TPO: variants seen among roughly 807,000 people sequenced by gnomAD.
TPO encodes thyroid microsomal antigen.
TPO carries 78 observed loss-of-function variants against 96.9 expected under a neutral mutation model. The observed-to-expected ratio is 0.81, with a 90% CI of 0.67 to 0.97. The LOEUF (loss-of-function observed/expected upper bound fraction) is 0.97. TPO is among the 50% of genes least tolerant of loss of function. TPO has a pLI of 0.00. For missense variants in TPO, 1,252 were observed against 1,274.8 expected, an observed-to-expected ratio of 0.98 and a Z score of 0.27; for synonymous variants, 547 against 538.0, an observed-to-expected ratio of 1.02 and a Z score of -0.23.
chr2:1,395,734 TAGTGTGTTCTAG>T (rs1196527352), intron 1 of TPO, among the ~76,000 whole-genome samples: 18 of 131,100 alleles, frequency 1.4e-4, no homozygotes, highest in African/African-American at 6.5e-4. Flanking sequence ...GTTCTAGTGA[TAGTGTGTTCTAG>T]TGATAGTGTG....
Position 1,469,751 on chromosome 2 carries a change from G to C in TPO, c.820-7335G>C, listed in dbSNP as rs550548071. On this transcript the variant is annotated intron_variant, in intron 7 of 16. Transcript: ENST00000329066. ...CTAGACCTTCAGGTTCCGCAGTGGG[G>C]GTGCATGTTCAGGGTGGACGATCTC... 2.5e-4 allele frequency among the ~76,000 whole-genome samples: 38 copies of C among 152,278 alleles called. No individual in the cohort carries two copies. In the South Asian group the frequency reaches 7.5e-3, roughly 30 times the overall value.
At chr2:1,413,754 C>A (rs1662593178) in intron 1 of TPO, 1 of 985,072 alleles carries the variant, frequency 1.0e-6, no homozygotes, top group Admixed American at 6.1e-5. Context: ...TCCTAGATCA[C>A]CGTCTACTGA....
chr2:1,524,917 C>T (rs1294850618), intron 15 of TPO, among the ~76,000 whole-genome samples: 2 of 137,680 alleles, frequency 1.5e-5, no homozygotes, highest in East Asian at 2.1e-4. Flanking sequence ...TCAAATCTCC[C>T]CCGCTGTGTG....
intron 9 of TPO, among the ~76,000 whole-genome samples, chr2:1,486,999 CA>C (rs1671228112): frequency 6.6e-6 from 1 of 152,188 alleles, no homozygotes; most frequent in South Asian, 2.1e-4. Context: ...ATCCTAAGGC[CA>C]AACCGATCCT....
intron 11 of TPO, among the ~76,000 whole-genome samples, chr2:1,494,343 C>T (rs527691719): frequency 1.5e-4 from 23 of 152,364 alleles, no homozygotes; most frequent in African/African-American, 4.8e-4. Flanking sequence ...CGTGACAGCC[C>T]GGAGACTGCA....
chr2:1,427,867 C>T (rs968017924), intron 3 of TPO, among the ~76,000 whole-genome samples: 9 of 152,120 alleles, frequency 5.9e-5, no homozygotes, highest in Non-Finnish European at 1.3e-4. Flanking sequence ...ATATCTGCAT[C>T]TAGATTGGTG....
In TPO at chr2:1,432,140, T is replaced by C. The variant is rs115076131; in HGVS notation, c.180-1298T>C. Among the ~76,000 whole-genome samples, 563 of 152,352 alleles carry C rather than the reference T, an allele frequency of 3.7e-3. 5 individuals are homozygous for C. The highest frequency in any genetic ancestry group is 0.013 in the African/African-American group (533 of 41,584). ...CCAGAGCACAGTCCGCTGTGGTCAC[T>C]CTGCTTCTTCTTTGAGGCCTGGCCC... On this transcript the variant is annotated intron_variant, in intron 3 of 16. Coordinates refer to ENST00000329066, the MANE Select transcript of TPO (RefSeq NM_001206744.2).
chr2:1,528,999 C>A lies in TPO; in HGVS notation c.2619-11595C>A, dbSNP rs1379605249. Among the ~76,000 whole-genome samples the A allele has an allele frequency of 4.2e-5, 6 of 144,262 alleles. 1 individual carries two copies. The highest frequency in any genetic ancestry group is 1.6e-4 in the African/African-American group (6 of 37,476). The allele number at this position is 144,262 out of a possible 152,430, so 94.6% of individuals were successfully genotyped here. The stretch of plus-strand genomic sequence containing the variant: ...CTGTGAGTAACCTCCTAAAATCCCC[C>A]CACTGTGAGTAACCTCCTCAAATCC... On this transcript the variant is annotated intron_variant, in intron 15 of 16. Transcript: ENST00000329066.
At chr2:1,538,772 A>C (rs764543639) in intron 15 of TPO, among the ~76,000 whole-genome samples, 1 of 152,184 alleles carries the variant, frequency 6.6e-6, no homozygotes, top group Non-Finnish European at 1.5e-5. Flanking sequence ...GGCTTAAAGC[A>C]ACAGACGTTG....
rs561563726 is a variant in TPO, at chr2:1,437,305, G to A, written c.482+921G>A. ...CAGTGTGCCCGGTGGTCACCTAGAAGCTTTGTCACAATAGTGTGGCGCCAG... is the reference window on the plus strand; with the variant it reads ...CAGTGTGCCCGGTGGTCACCTAGAAACTTTGTCACAATAGTGTGGCGCCAG... On this transcript the variant is annotated intron_variant, in intron 5 of 16. Coordinates refer to ENST00000329066, the MANE Select transcript of TPO (RefSeq NM_001206744.2). 2.0e-4 allele frequency among the ~76,000 whole-genome samples: 30 copies of A among 152,256 alleles called. 1 individual carries two copies. The East Asian group carries it at 5.6e-3, about 29-fold the overall frequency.
chr2:1,542,217 C>T (rs536032603), intron 16 of TPO: 11 of 686,024 alleles, frequency 1.6e-5, no homozygotes, highest in East Asian at 5.4e-5. Context: ...CACGTGGATC[C>T]TCTGTGGCCT....
chr2:1,534,303 GCTGTGCGCAACCTCATCAAATTTTCCCA>G, intron 15 of TPO, among the ~76,000 whole-genome samples: 1 of 114,376 alleles, frequency 8.7e-6, no homozygotes, highest in Non-Finnish European at 1.7e-5. Context: ...CATCCCCCTC[GCTGTGCGCAACCTCATCAAATTTTCCCA>G]CTGTGTGCAA....
Position 1,477,578 on chromosome 2 carries a change from C to A in TPO, c.1312C>A (p.Arg438Ser). The A allele has an allele frequency of 6.5e-7, 1 of 1,537,056 alleles. No individual in the cohort carries two copies. Among genetic ancestry groups the A allele is most frequent in the African/African-American group, 1.4e-5 (1 of 72,064 alleles). ...WSADAVYQEA[R>S]KVVGALHQII... ...CGCGGACGCCGTGTACCAGGAGGCGCGCAAGGTCGTGGGCGCTCTGCACCA... is the reference window on the plus strand; with the variant it reads ...CGCGGACGCCGTGTACCAGGAGGCGAGCAAGGTCGTGGGCGCTCTGCACCA... Residue 438 changes from arginine (R) to serine (S), a missense_variant, in exon 8 of 17, where the codon CGC becomes AGC. Arg to Ser is a moderately radical substitution (Grantham distance 110). Coordinates refer to ENST00000329066, the MANE Select transcript of TPO (RefSeq NM_001206744.2).
At chr2:1,539,337 A>G (rs1401223042) in intron 15 of TPO, among the ~76,000 whole-genome samples, 1 of 152,174 alleles carries the variant, frequency 6.6e-6, no homozygotes, top group South Asian at 2.1e-4. Context: ...CACTTTACGA[A>G]TGAGAAAACT....
chr2:1,540,910 G>A (rs1200455298), intron 16 of TPO, 187 bp downstream of exon 16: 2 of 1,541,838 alleles, frequency 1.3e-6, no homozygotes, highest in Non-Finnish European at 1.8e-6. Flanking sequence ...ATGTGAGCCT[G>A]CTTAGTGAGA....
intron 7 of TPO, among the ~76,000 whole-genome samples, chr2:1,463,823 C>T (rs1374407177): frequency 6.6e-6 from 1 of 152,220 alleles, no homozygotes; most frequent in Non-Finnish European, 1.5e-5. Context: ...TGCAAGCCTC[C>T]TCATGCACAC....
chr2:1,433,688 C>A, intron 4 of TPO, 81 bp downstream of exon 4: 1 of 1,533,160 alleles, frequency 6.5e-7, no homozygotes, highest in South Asian at 1.2e-5. Context: ...GCTGCTTGCT[C>A]AGGGCATGTT....
At chr2:1,440,151 TGTGCTGCGTTTCCACC>T (rs141696522) in intron 5 of TPO, among the ~76,000 whole-genome samples, 41,390 of 149,596 alleles carry the variant, frequency 0.28, 5,980 homozygotes, top group South Asian at 0.39. Flanking sequence ...GCGTTTCCAA[TGTGCTGCGTTTCCACC>T]GTGCTGCGTT....
chr2:1,493,786 C>A lies in TPO; in HGVS notation c.1769-16C>A, dbSNP rs536243953. On this transcript the variant is annotated splice_polypyrimidine_tract_variant and intron_variant, in intron 10 of 16. Transcript: ENST00000329066. Reference sequence around the variant, plus strand: ...CAGTTCTGTGAGAGAAACCCTGCAGCCTCTCCCCTGTGCAGGTTACAATGA... The same window carrying A: ...CAGTTCTGTGAGAGAAACCCTGCAGACTCTCCCCTGTGCAGGTTACAATGA... 4 of 1,612,882 alleles carry A rather than the reference C, an allele frequency of 2.5e-6. No individual in the cohort carries two copies. Among genetic ancestry groups the A allele is most frequent in the Non-Finnish European group, 3.4e-6 (4 of 1,179,062 alleles).
Sources: allele counts gnomAD v4.1 joint callset (sites outside exome capture counted in the v4.1 genomes callset), GRCh38; gene constraint gnomAD v4.1.1; transcripts MANE v1.5; gene names NCBI Gene and HGNC (gene_info 2026-07-23, HGNC 2026-07-21).